Variants in VWC2L observed in about 807,000 individuals in gnomAD.
VWC2L encodes von Willebrand factor C domain containing 2 like.
Under a neutral mutation model 21.6 loss-of-function variants are expected in VWC2L, and 10 were observed. That is an observed-to-expected ratio of 0.46 (90% CI 0.29 to 0.78). The LOEUF is 0.78. VWC2L is among the 30% of genes least tolerant of loss of function. The probability of loss-of-function intolerance (pLI) is 0.10; values close to 1 mark genes in which losing one functional copy is unlikely to be tolerated. For missense variants in VWC2L, 209 were observed against 277.1 expected (o/e 0.75, Z 1.74); for synonymous variants, 96 against 94.3 (o/e 1.02, Z -0.10).
chr2:214,468,012 T>C lies in VWC2L; in HGVS notation c.520+31254T>C, dbSNP rs1004743136. Among the ~76,000 whole-genome samples the C allele has an allele frequency of 9.9e-5, 15 of 152,126 alleles. No individual in the cohort carries two copies. In the East Asian group the frequency reaches 2.9e-3, roughly 29 times the overall value. On this transcript the variant is annotated intron_variant, in intron 3 of 3. Coordinates refer to ENST00000312504, the MANE Select transcript of VWC2L (RefSeq NM_001080500.4). Reference sequence around the variant, plus strand: ...ACAGAAAATAAATAATAATATATTATGAGGTTTTACGTCTTTTTTTTTTGA... The same window carrying C: ...ACAGAAAATAAATAATAATATATTACGAGGTTTTACGTCTTTTTTTTTTGA...
chr2:214,542,057 T>A (rs9653344), intron 3 of VWC2L, among the ~76,000 whole-genome samples: 30,493 of 152,026 alleles, frequency 0.2, 3,149 homozygotes, highest in African/African-American at 0.24. Flanking sequence ...CAGCATTGGC[T>A]CCCTGAGTGA....
chr2:214,505,757 G>GA (rs755556074), intron 3 of VWC2L, among the ~76,000 whole-genome samples: 1 of 151,470 alleles, frequency 6.6e-6, no homozygotes, highest in Middle Eastern at 3.4e-3. Context: ...ATCATTAAAA[G>GA]AAAAAAAAGC....
intron 3 of VWC2L, among the ~76,000 whole-genome samples, chr2:214,514,538 A>G (rs1689109952): frequency 6.6e-6 from 1 of 152,146 alleles, no homozygotes; most frequent in African/African-American, 2.4e-5. Flanking sequence ...CCCACCCTCC[A>G]CTTCAGCATA....
chr2:214,524,466 C>T (rs1159979202), intron 3 of VWC2L, among the ~76,000 whole-genome samples: 1 of 152,142 alleles, frequency 6.6e-6, no homozygotes, highest in Non-Finnish European at 1.5e-5. Context: ...TCTAAGTTTT[C>T]TCTAAAAATG....
At chr2:214,503,729 A>G (rs1171850032) in intron 3 of VWC2L, among the ~76,000 whole-genome samples, 4 of 106,650 alleles carry the variant, frequency 3.8e-5, no homozygotes, top group Non-Finnish European at 6.6e-5. Context: ...ACCAGAAATG[A>G]GAAAAAAAAA....
At chr2:214,479,823 A>G (rs1688576929) in intron 3 of VWC2L, among the ~76,000 whole-genome samples, 1 of 152,210 alleles carries the variant, frequency 6.6e-6, no homozygotes, top group African/African-American at 2.4e-5. Context: ...TAGAGCAAGA[A>G]GAAAGAACAT....
chr2:214,472,353 A>C (rs548347294), intron 3 of VWC2L: 2 of 152,338 alleles, frequency 1.3e-5, no homozygotes, highest in East Asian at 3.9e-4. Flanking sequence ...AATGTTTGCT[A>C]AGTGTCAAAA....
At chr2:214,537,916 T>TTTC (rs1334936812) in intron 3 of VWC2L, among the ~76,000 whole-genome samples, 1 of 151,170 alleles carries the variant, frequency 6.6e-6, no homozygotes, top group East Asian at 1.9e-4. Flanking sequence ...TTTTTTTTTT[T>TTTC]TGGTGGGCTT....
chr2:214,428,496 G>A (rs1372104962), intron 2 of VWC2L, among the ~76,000 whole-genome samples: 1 of 152,126 alleles, frequency 6.6e-6, no homozygotes, highest in Non-Finnish European at 1.5e-5. Flanking sequence ...CTAAAGTAGA[G>A]AGGTTTATCA....
At chr2:214,476,134 T>C (rs1688514822) in intron 3 of VWC2L, among the ~76,000 whole-genome samples, 1 of 152,208 alleles carries the variant, frequency 6.6e-6, no homozygotes, top group Non-Finnish European at 1.5e-5. Context: ...GATTGTGTGA[T>C]AATAATTTTC....
chr2:214,436,317 T>G, intron 2 of VWC2L: 1 of 234,102 alleles, frequency 4.3e-6, no homozygotes. Flanking sequence ...AATCAGTACA[T>G]CTGGAAAACA....
At chr2:214,544,303 T>C (rs867330039) in intron 3 of VWC2L, among the ~76,000 whole-genome samples, 2 of 152,326 alleles carry the variant, frequency 1.3e-5, no homozygotes, top group South Asian at 2.1e-4. Flanking sequence ...TCAGAGCTGC[T>C]GATTCATTTG....
At chr2:214,551,847 C>A (rs561854342) in intron 3 of VWC2L, among the ~76,000 whole-genome samples, 1 of 152,344 alleles carries the variant, frequency 6.6e-6, no homozygotes, top group South Asian at 2.1e-4. Flanking sequence ...GTCAGTGATA[C>A]CCATGCAGAC....
At chr2:214,569,988 A>AC (rs944304713) in intron 3 of VWC2L, among the ~76,000 whole-genome samples, 7 of 151,826 alleles carry the variant, frequency 4.6e-5, no homozygotes, top group African/African-American at 1.7e-4. Flanking sequence ...CAGGAAAAAA[A>AC]AACTGCTCAG....
At chr2:214,567,833 G>A (rs77076710) in intron 3 of VWC2L, among the ~76,000 whole-genome samples, 3,197 of 152,176 alleles carry the variant, frequency 0.021, 119 homozygotes, top group African/African-American at 0.073. Context: ...TGTCTCACCT[G>A]TAAAACAGAA....
At chr2:214,528,212 G>T (rs1689374565) in intron 3 of VWC2L, among the ~76,000 whole-genome samples, 1 of 152,088 alleles carries the variant, frequency 6.6e-6, no homozygotes, top group Non-Finnish European at 1.5e-5. Context: ...TTTAAGCATT[G>T]CAAGAAAACA....
chr2:214,528,857 C>T (rs1225925570), intron 3 of VWC2L, among the ~76,000 whole-genome samples: 1 of 152,196 alleles, frequency 6.6e-6, no homozygotes, highest in Non-Finnish European at 1.5e-5. Context: ...CTCTTATTAA[C>T]TTTTCTTTGC....
chr2:214,538,896 C>T (rs188984796), intron 3 of VWC2L, among the ~76,000 whole-genome samples: 13 of 152,088 alleles, frequency 8.5e-5, no homozygotes, highest in Non-Finnish European at 1.5e-4. Context: ...GTTTGAGAGA[C>T]GAATTAGCTG....
chr2:214,555,049 C>A (rs184450736), intron 3 of VWC2L, among the ~76,000 whole-genome samples: 5 of 152,282 alleles, frequency 3.3e-5, no homozygotes, highest in Admixed American at 6.5e-5. Context: ...TTTTCTGAAG[C>A]CTAGAAGTTT....
Sources: gnomAD v4.1 joint callset for allele counts (sites outside exome capture counted in the v4.1 genomes callset) on GRCh38, gnomAD v4.1.1 for gene constraint, MANE v1.5 for transcripts, NCBI Gene and HGNC (gene_info 2026-07-23, HGNC 2026-07-21) for gene names.